The following WAC variants were observed in gnomAD, a reference collection of about 807,000 sequenced individuals.
WAC encodes WW domain-containing adapter protein with coiled-coil.
A neutral mutation model predicts 79.6 loss-of-function variants in WAC; 11 were observed. That is an observed-to-expected ratio of 0.14 (90% CI 0.09 to 0.23). The LOEUF (loss-of-function observed/expected upper bound fraction) is 0.23. WAC is among the 10% of genes least tolerant of loss of function. The pLI, the probability that WAC is intolerant of heterozygous loss-of-function variation, is 1.00. For synonymous variants in WAC, 304 were observed against 276.9 expected (o/e 1.10, Z -0.97); for missense variants, 728 against 773.5 (o/e 0.94, Z 0.70).
intron 3 of WAC, among the ~76,000 whole-genome samples, 173 bp from the exon 4 acceptor site, chr10:28,583,226 G>T (rs889462722): frequency 2.0e-5 from 3 of 151,676 alleles, no homozygotes; most frequent in African/African-American, 7.3e-5. Context: ...ATCTTTAGTA[G>T]GTTCACAGAT....
Position 28,617,803 on chromosome 10 carries a change from T to C in WAC, c.1874+19T>C, listed in dbSNP as rs1841536945. 1 of 1,563,622 alleles carries C rather than the reference T, an allele frequency of 6.4e-7. No homozygotes were observed. Among genetic ancestry groups the C allele is most frequent in the Non-Finnish European group, 8.6e-7 (1 of 1,164,188 alleles). On this transcript the variant is annotated intron_variant, in intron 13 of 13. Coordinates refer to ENST00000354911, the MANE Select transcript of WAC (RefSeq NM_016628.5). The stretch of plus-strand genomic sequence containing the variant: ...AGCAAAGGTAAGTCTTTCACTGAAA[T>C]ATATTTTTATGTTTCTCAGGATTAT...
At chr10:28,558,548 A>G (rs1838124426) in intron 3 of WAC, among the ~76,000 whole-genome samples, 1 of 152,176 alleles carries the variant, frequency 6.6e-6, no homozygotes. Context: ...ATGTGTAGCA[A>G]TCTATTTGTA....
At chr10:28,594,625 A>G (rs1840261190) in intron 6 of WAC, among the ~76,000 whole-genome samples, 1 of 152,100 alleles carries the variant, frequency 6.6e-6, no homozygotes, top group Admixed American at 6.5e-5. Context: ...TTGTGTACTG[A>G]CAGCTTTGAA....
chr10:28,590,600 C>A, intron 5 of WAC, 120 bp from the exon 6 acceptor site: 1 of 770,390 alleles, frequency 1.3e-6, no homozygotes, highest in Non-Finnish European at 2.1e-6. Flanking sequence ...AAATTATGAC[C>A]ATGTTCACTC....
intron 3 of WAC, among the ~76,000 whole-genome samples, chr10:28,552,329 G>A (rs1186794813): frequency 2.6e-5 from 4 of 152,130 alleles, no homozygotes; most frequent in Non-Finnish European, 4.4e-5. Context: ...ATCAGAATCA[G>A]GTGGTTAAAA....
intron 3 of WAC, among the ~76,000 whole-genome samples, chr10:28,563,744 C>CTTTTTTT (rs71281550): frequency 0.024 from 1,594 of 67,664 alleles, 87 homozygotes; most frequent in East Asian, 0.051. Flanking sequence ...CTACACCCAG[C>CTTTTTTT]TTTTTTTTTT....
chr10:28,599,922 C>T (rs1361269213), intron 7 of WAC, among the ~76,000 whole-genome samples: 1 of 151,922 alleles, frequency 6.6e-6, no homozygotes, highest in African/African-American at 2.4e-5. Flanking sequence ...TCTGATACAC[C>T]AAAAAAATAC....
intron 3 of WAC, among the ~76,000 whole-genome samples, chr10:28,553,088 C>T (rs1036652975): frequency 6.6e-6 from 1 of 151,860 alleles, no homozygotes; most frequent in Non-Finnish European, 1.5e-5. Context: ...AATATTTTCC[C>T]CCAATGTTCA....
At chr10:28,558,338 G>A (rs946379528) in intron 3 of WAC, among the ~76,000 whole-genome samples, 38 of 152,216 alleles carry the variant, frequency 2.5e-4, no homozygotes, top group Admixed American at 3.3e-4. Flanking sequence ...GGTGTTTGAG[G>A]GGAAAGCTAA....
In WAC at chr10:28,621,502, T is replaced by TC. The variant is rs1841691762; in HGVS notation, c.*1896_*1897insC. 6.6e-6 allele frequency: 1 copy of TC among 152,208 alleles called. No individual in the cohort carries two copies. The highest frequency in any genetic ancestry group is 1.5e-5 in the Non-Finnish European group (1 of 68,038). 9.4% of individuals were successfully genotyped at this position (152,208 alleles called of 1,614,324 possible). On this transcript the variant is annotated 3_prime_UTR_variant, in exon 14 of 14. Coordinates refer to ENST00000354911, the MANE Select transcript of WAC (RefSeq NM_016628.5). ...TTAAAAGGAATTAAAATCTTGAAGA[T>TC]ATTTTCCTGTAATTTAAGGATACTT...
intron 6 of WAC, chr10:28,591,864 A>C (rs1163908333): frequency 2.0e-5 from 3 of 150,682 alleles, no homozygotes; most frequent in Admixed American, 6.6e-5. Flanking sequence ...AAAAAAATTA[A>C]CTGTCACATA....
chr10:28,614,501 C>G lies in WAC; in HGVS notation c.1438-66C>G, dbSNP rs899680115. On this transcript the variant is annotated intron_variant, in intron 10 of 13. Coordinates refer to ENST00000354911, the MANE Select transcript of WAC (RefSeq NM_016628.5). ...ATTTTACATGTTTCAAGACGATTAC[C>G]TAGATTTTGGGGGGAGAGATGTGGA... 4 of 1,246,918 alleles carry G rather than the reference C, an allele frequency of 3.2e-6. No homozygotes were observed. The Admixed American group carries it at 7.1e-5, about 22-fold the overall frequency. The allele number at this position is 1,246,918 out of a possible 1,614,324, so 77.2% of individuals were successfully genotyped here.
intron 3 of WAC, among the ~76,000 whole-genome samples, chr10:28,539,112 G>A (rs1347931977): frequency 6.6e-6 from 1 of 151,988 alleles, no homozygotes; most frequent in Non-Finnish European, 1.5e-5. Context: ...ATTTTACAAA[G>A]CAAGTTAAAT....
chr10:28,602,047 G>T (rs1463431298), intron 7 of WAC, among the ~76,000 whole-genome samples: 1 of 152,160 alleles, frequency 6.6e-6, no homozygotes. Flanking sequence ...TTGATGCTGC[G>T]TATACTTTAC....
intron 7 of WAC, among the ~76,000 whole-genome samples, chr10:28,600,204 A>G (rs1252051435): frequency 1.4e-5 from 2 of 144,632 alleles, no homozygotes; most frequent in East Asian, 4.3e-4. Flanking sequence ...AGCTCTCCGT[A>G]TGAACATGTG....
At chr10:28,608,098 T>G in intron 7 of WAC, 88 bp from the exon 8 acceptor site, 2 of 1,477,188 alleles carry the variant, frequency 1.4e-6, no homozygotes, top group Non-Finnish European at 1.9e-6. Context: ...TTACGTTAGG[T>G]GCCTGGCACA....
At chr10:28,592,756 G>T (rs889756686) in intron 6 of WAC, among the ~76,000 whole-genome samples, 58 of 152,100 alleles carry the variant, frequency 3.8e-4, no homozygotes, top group Non-Finnish European at 1.6e-4. Context: ...CATGACCCTG[G>T]AACATTTTGG....
At chr10:28,595,681 TC>T (rs1840325666) in intron 6 of WAC, 51 bp from the exon 7 acceptor site, 5 of 1,536,520 alleles carry the variant, frequency 3.3e-6, no homozygotes, top group Non-Finnish European at 4.4e-6. Context: ...TAATCTTTTT[TC>T]TTCCCCCTTC....
intron 7 of WAC, among the ~76,000 whole-genome samples, chr10:28,607,550 C>T (rs1244037524): frequency 6.6e-6 from 1 of 152,080 alleles, no homozygotes; most frequent in Non-Finnish European, 1.5e-5. Context: ...ATTAAAGTGT[C>T]CTTTTTAATA....
Sources: gnomAD v4.1 joint callset for allele counts (sites outside exome capture counted in the v4.1 genomes callset) on GRCh38, gnomAD v4.1.1 for gene constraint, MANE v1.5 for transcripts, NCBI Gene and HGNC (gene_info 2026-07-23, HGNC 2026-07-21) for gene names.